Variants in CADM2 observed in about 807,000 individuals in gnomAD.
CADM2 encodes immunoglobulin superfamily member 4D.
Under a neutral mutation model 49.8 loss-of-function variants are expected in CADM2, and 12 were observed. The observed-to-expected ratio is 0.24, with a 90% confidence interval of 0.15 to 0.39. CADM2 has a LOEUF of 0.39. Ranked by LOEUF, CADM2 falls within the 10% of genes least tolerant of loss-of-function variation. The pLI, the probability that CADM2 is intolerant of heterozygous loss-of-function variation, is 1.00. For missense variants in CADM2, 378 were observed against 492.3 expected (o/e 0.77, Z 2.20); for synonymous variants, 214 against 175.4 (o/e 1.22, Z -1.74).
At chr3:85,505,566 A>T (rs573491969) in intron 1 of CADM2, among the ~76,000 whole-genome samples, 1 of 152,326 alleles carries the variant, frequency 6.6e-6, no homozygotes, top group South Asian at 2.1e-4. Flanking sequence ...GTGGGATAAC[A>T]TTAATGTGTT....
chr3:85,491,054 A>G (rs1252115453), intron 1 of CADM2, among the ~76,000 whole-genome samples: 1 of 152,164 alleles, frequency 6.6e-6, no homozygotes, highest in Non-Finnish European at 1.5e-5. Context: ...TGTCATGTTA[A>G]GTCAAAGCAC....
chr3:85,247,461 G>C (rs1489729142), intron 1 of CADM2, among the ~76,000 whole-genome samples: 2 of 152,120 alleles, frequency 1.3e-5, no homozygotes, highest in East Asian at 3.8e-4. Flanking sequence ...AGGACTCTTA[G>C]AGTTTGTTCT....
At chr3:85,289,541 T>C (rs2043723325) in intron 1 of CADM2, among the ~76,000 whole-genome samples, 2 of 152,166 alleles carry the variant, frequency 1.3e-5, no homozygotes, top group Non-Finnish European at 2.9e-5. Context: ...CCTTCTTTAG[T>C]GTGTATAATC....
intron 1 of CADM2, among the ~76,000 whole-genome samples, chr3:85,388,633 C>A (rs2034366012): frequency 6.6e-6 from 1 of 152,006 alleles, no homozygotes; most frequent in African/African-American, 2.4e-5. Context: ...GTGGGATACA[C>A]AAGCTCTGAT....
intron 1 of CADM2, among the ~76,000 whole-genome samples, chr3:85,550,270 G>C (rs1164937017): frequency 6.6e-6 from 1 of 152,162 alleles, no homozygotes; most frequent in Admixed American, 6.6e-5. Context: ...TTCAAGGACA[G>C]TAAGCCATGT....
chr3:85,098,307 C>G (rs749994700), intron 1 of CADM2, among the ~76,000 whole-genome samples: 31 of 149,676 alleles, frequency 2.1e-4, no homozygotes, highest in Non-Finnish European at 3.7e-4. Context: ...TACCCTAAAC[C>G]AAAGGTACAC....
intron 1 of CADM2, among the ~76,000 whole-genome samples, chr3:85,318,573 T>C (rs2044525345): frequency 6.6e-6 from 1 of 152,170 alleles, no homozygotes; most frequent in South Asian, 2.1e-4. Flanking sequence ...TCCAAACTAA[T>C]AGTACATTTC....
At chr3:85,647,668 A>G (rs925268052) in intron 1 of CADM2, among the ~76,000 whole-genome samples, 4 of 151,968 alleles carry the variant, frequency 2.6e-5, no homozygotes, top group South Asian at 4.1e-4. Flanking sequence ...AAATCCCCAC[A>G]TAGAACAAAA....
At chr3:85,516,477 T>C (rs2060906442) in intron 1 of CADM2, among the ~76,000 whole-genome samples, 2 of 152,134 alleles carry the variant, frequency 1.3e-5, no homozygotes, top group African/African-American at 4.8e-5. Flanking sequence ...ATAGAAAAAA[T>C]AGAAGGAAAA....
At chr3:85,843,036 G>A (rs1000286392) in intron 3 of CADM2, among the ~76,000 whole-genome samples, 1 of 152,014 alleles carries the variant, frequency 6.6e-6, no homozygotes, top group African/African-American at 2.4e-5. Flanking sequence ...TATGTATATT[G>A]GCAGAGGAAA....
chr3:85,449,893 A>G (rs904584791), intron 1 of CADM2, among the ~76,000 whole-genome samples: 9 of 152,110 alleles, frequency 5.9e-5, no homozygotes, highest in Admixed American at 3.3e-4. Context: ...ACCTAGCCCA[A>G]TGATCTTACT....
intron 6 of CADM2, among the ~76,000 whole-genome samples, chr3:85,931,573 G>GGTGAAAAAAGAACATTACACAAA (rs1720596134): frequency 1.3e-5 from 2 of 152,088 alleles, no homozygotes; most frequent in African/African-American, 4.8e-5. Context: ...ATTACACAAA[G>GGTGAAAAAAGAACATTACACAAA]GTGAAAAAAG....
At chr3:85,183,445 C>T (rs1245184686) in intron 1 of CADM2, among the ~76,000 whole-genome samples, 1 of 151,916 alleles carries the variant, frequency 6.6e-6, no homozygotes, top group Non-Finnish European at 1.5e-5. Flanking sequence ...AGAAAAAAAA[C>T]ACGCAATATG....
intron 8 of CADM2, among the ~76,000 whole-genome samples, chr3:86,043,845 A>G (rs1381258040): frequency 5.3e-5 from 8 of 152,326 alleles, no homozygotes; most frequent in African/African-American, 1.9e-4. Flanking sequence ...ACAGCATGGT[A>G]GTGGTACCAA....
chr3:85,886,154 G>A (rs28571132), intron 4 of CADM2, 36 bp from the exon 5 acceptor site: 1 of 1,607,692 alleles, frequency 6.2e-7, no homozygotes, highest in Non-Finnish European at 8.5e-7. Context: ...CAACCCTGAA[G>A]ATTGATGCTC....
chr3:85,611,809 G>A (rs34324956), intron 1 of CADM2, among the ~76,000 whole-genome samples: 7 of 151,508 alleles, frequency 4.6e-5, no homozygotes, highest in Non-Finnish European at 7.4e-5. Flanking sequence ...TGTGTTGAGG[G>A]ACACATGTAC....
At chr3:85,473,329 C>T (rs771571894) in intron 1 of CADM2, among the ~76,000 whole-genome samples, 9 of 151,938 alleles carry the variant, frequency 5.9e-5, no homozygotes, top group Non-Finnish European at 8.8e-5. Context: ...ACACAGCTGT[C>T]GATAAAATAT....
chr3:86,034,422 G>A (rs1398694000), intron 8 of CADM2, among the ~76,000 whole-genome samples: 1 of 151,942 alleles, frequency 6.6e-6, no homozygotes, highest in Non-Finnish European at 1.5e-5. Flanking sequence ...ACGACATGAG[G>A]ATACAGTGAA....
At chr3:85,748,492 T>C (rs1032592824) in intron 2 of CADM2, among the ~76,000 whole-genome samples, 1 of 152,082 alleles carries the variant, frequency 6.6e-6, no homozygotes, top group Non-Finnish European at 1.5e-5. Context: ...CTGTATCTAC[T>C]TCAGCTGAAC....
Sources: gnomAD v4.1 joint callset for allele counts (sites outside exome capture counted in the v4.1 genomes callset) on GRCh38, gnomAD v4.1.1 for gene constraint, MANE v1.5 for transcripts, NCBI Gene and HGNC (gene_info 2026-07-23, HGNC 2026-07-21) for gene names.